The following BMP7 variants were observed in gnomAD, a reference collection of about 807,000 sequenced individuals.
BMP7 encodes the protein osteogenic protein 1.
BMP7 carries 12 observed loss-of-function variants against 41.2 expected under a neutral mutation model. The observed-to-expected ratio is 0.29, with a 90% CI of 0.19 to 0.47. BMP7 has a LOEUF of 0.47. Ranked by LOEUF, BMP7 falls within the 20% of genes least tolerant of loss-of-function variation. BMP7 has a pLI of 0.99. For missense variants in BMP7, 467 were observed against 606.0 expected (o/e 0.77, Z 2.41); for synonymous variants, 248 against 250.0 (o/e 0.99, Z 0.07).
Position 57,170,715 on chromosome 20 carries a change from G to A in BMP7, c.*244C>T. The A allele has an allele frequency of 2.0e-6, 1 of 493,584 alleles. No homozygotes were observed. Among genetic ancestry groups the A allele is most frequent in the Non-Finnish European group, 3.6e-6 (1 of 276,662 alleles). The allele number at this position is 493,584 out of a possible 1,614,324, so 30.6% of individuals were successfully genotyped here. ...GCCCGGCCATTTTTCTTTATGCGTT[G>A]TTTTTTTTTCCTGCTAGGTTTTGCC... On this transcript the variant is annotated 3_prime_UTR_variant, in exon 7 of 7. Coordinates refer to ENST00000395863, the MANE Select transcript of BMP7 (RefSeq NM_001719.3).
At chr20:57,196,942 C>A (rs980375144) in intron 3 of BMP7, among the ~76,000 whole-genome samples, 1 of 152,030 alleles carries the variant, frequency 6.6e-6, no homozygotes, top group Admixed American at 6.5e-5. Flanking sequence ...CACTCTGTTG[C>A]CCAGGCTGGA....
At chr20:57,188,428 G>T (rs1262097097) in intron 3 of BMP7, among the ~76,000 whole-genome samples, 1 of 152,084 alleles carries the variant, frequency 6.6e-6, no homozygotes, top group Non-Finnish European at 1.5e-5. Context: ...GTAGCTTACT[G>T]GTTGCCTAGA....
At position 57,219,235 on chromosome 20, in the gene BMP7, G is replaced by A. The variant is rs576382117; in HGVS notation, c.611+8994C>T. On this transcript the variant is annotated intron_variant, in intron 2 of 6. Transcript: ENST00000395863. The stretch of plus-strand genomic sequence containing the variant: ...CGGTGGTAGGTGGTGTTTGGTGGTA[G>A]CTGGTGTTTGCTGGTAGCTGGTGTT... Among the ~76,000 whole-genome samples the A allele has an allele frequency of 4.7e-4, 68 of 145,222 alleles. 1 individual carries two copies. Among genetic ancestry groups the A allele is most frequent in the Non-Finnish European group, 9.6e-4 (65 of 67,980 alleles).
At chr20:57,226,024 G>C in intron 2 of BMP7, 1 of 456,366 alleles carries the variant, frequency 2.2e-6, no homozygotes, top group Admixed American at 2.4e-5. Context: ...CCCAGCACTA[G>C]AATGGGCACC....
At chr20:57,203,417 G>GTGGATGGATGGATGGATGGT (rs1984666716) in intron 2 of BMP7, among the ~76,000 whole-genome samples, 1 of 152,012 alleles carries the variant, frequency 6.6e-6, no homozygotes, top group African/African-American at 2.4e-5. Flanking sequence ...GGGTGAATGA[G>GTGGATGGATGGATGGATGGT]TGGATGGATG....
intron 2 of BMP7, among the ~76,000 whole-genome samples, chr20:57,205,141 T>TTTTG (rs10627323): frequency 0.57 from 85,575 of 151,072 alleles, 25,060 homozygotes; most frequent in African/African-American, 0.7. Flanking sequence ...GGTATTTGTT[T>TTTTG]TTTGTTTGTT....
rs777292866 is a variant in BMP7 at position 57,202,602 on chromosome 20, G to A, written c.633C>T (p.Leu211=). 9.9e-6 allele frequency: 16 copies of A among 1,611,928 alleles called. No individual in the cohort carries two copies. The highest frequency in any genetic ancestry group is 5.0e-5 in the Admixed American group (3 of 59,976). Residue 211 remains leucine, a synonymous_variant, in exon 3 of 7, where the codon CTC becomes CTT. Transcript: ENST00000395863. ...CCGAGGCCCAGAGGGTACGGCTGTC[G>A]AGCAGGAAGAGATCCGATTCCCTGC... ...HLGRESDLFL[L]DSRTLWASEE... is the part of the protein sequence containing the mutation.
chr20:57,185,292 G>C (rs953843031), intron 3 of BMP7, among the ~76,000 whole-genome samples: 3 of 152,244 alleles, frequency 2.0e-5, no homozygotes, highest in African/African-American at 7.2e-5. Context: ...GAAAGACGAT[G>C]TACAGGGAGG....
chr20:57,174,997 G>A lies in BMP7; in HGVS notation c.969C>T (p.Ser323=). Residue 323 remains serine (S), a synonymous_variant, in exon 5 of 7, where the codon AGC becomes AGT. Coordinates refer to ENST00000395863, the MANE Select transcript of BMP7 (RefSeq NM_001719.3). The surrounding 1 kb of genome is among the most constrained non-coding windows in gnomAD (Gnocchi z 4.3). ...LRMANVAENS[S]SDQRQACKKH... ...TCTTACAGGCCTGCCTCTGGTCGCTGCTGCTGTTCTCTGCATTGACAAGGA... is the reference window on the plus strand; with the variant it reads ...TCTTACAGGCCTGCCTCTGGTCGCTACTGCTGTTCTCTGCATTGACAAGGA... 6.2e-7 allele frequency: 1 copy of A among 1,611,400 alleles called. No homozygotes were observed. The highest frequency in any genetic ancestry group is 1.6e-4 in the Middle Eastern group (1 of 6,062).
At chr20:57,194,104 C>T (rs1984438668) in intron 3 of BMP7, among the ~76,000 whole-genome samples, 1 of 151,808 alleles carries the variant, frequency 6.6e-6, no homozygotes, top group Admixed American at 6.5e-5. Context: ...TGTCTTCTCC[C>T]CAAAAAAGGC....
chr20:57,174,951 A>G lies in BMP7; in HGVS notation c.1015T>C (p.Phe339Leu). 1 of 1,612,262 alleles carries G rather than the reference A, an allele frequency of 6.2e-7. No individual in the cohort carries two copies. Among genetic ancestry groups the G allele is most frequent in the Non-Finnish European group, 8.5e-7 (1 of 1,179,870 alleles). Reference protein sequence around the residue: ...ACKKHELYVSFRDLGWQDWII... With the variant: ...ACKKHELYVSLRDLGWQDWII... Reference sequence around the variant, plus strand: ...CTTACCTGCCAGCCCAGGTCTCGGAAGCTGACATACAGCTCGTGCTTCTTA... The same window carrying G: ...CTTACCTGCCAGCCCAGGTCTCGGAGGCTGACATACAGCTCGTGCTTCTTA... Residue 339 changes from phenylalanine to leucine, a missense_variant, in exon 5 of 7, where the codon TTC (phenylalanine) becomes CTC (leucine). Phe to Leu is a conservative substitution (Grantham distance 22, BLOSUM62 0). Transcript: ENST00000395863. This position sits in a 1 kb window ranked among gnomAD's most constrained non-coding sequence, Gnocchi z 4.3.
intron 1 of BMP7, among the ~76,000 whole-genome samples, chr20:57,265,122 G>A (rs1327083500): frequency 1.3e-5 from 2 of 152,178 alleles, no homozygotes; most frequent in Non-Finnish European, 2.9e-5. Context: ...CAATGGCACC[G>A]TTTCTTCCCC....
At chr20:57,240,944 G>C (rs62205690) in intron 1 of BMP7, among the ~76,000 whole-genome samples, 39,244 of 152,146 alleles carry the variant, frequency 0.26, 5,602 homozygotes, top group Non-Finnish European at 0.32. Flanking sequence ...CCATCCTGAT[G>C]GCTGTGAGGT....
Position 57,266,042 on chromosome 20 carries a change from G to A in BMP7, c.81C>T (p.Ala27=), listed in dbSNP as rs1298086615. 6.5e-7 allele frequency: 1 copy of A among 1,544,790 alleles called. No homozygotes were observed. The highest frequency in any genetic ancestry group is 8.7e-7 in the Non-Finnish European group (1 of 1,146,852). The part of the protein sequence containing the change: ...LWAPLFLLRS[A]LADFSLDNEV... ...CGTTGTCCAGGCTGAAGTCGGCCAG[G>A]GCGGAGCGCAGCAGGAACAGGGGTG... is the stretch of plus-strand genomic sequence containing the variant. The change falls in exon 1 of 7, where the codon GCC becomes GCT. Residue 27 remains alanine, a synonymous_variant. Coordinates refer to ENST00000395863, the MANE Select transcript of BMP7 (RefSeq NM_001719.3).
At position 57,213,057 on chromosome 20, in the gene BMP7, G is replaced by C. The variant is rs1433552704; in HGVS notation, c.612-10434C>G. Among the ~76,000 whole-genome samples, 3 of 152,370 alleles carry C rather than the reference G, an allele frequency of 2.0e-5. 1 individual carries two copies. Among genetic ancestry groups the C allele is most frequent in the Admixed American group, 2.0e-4 (3 of 15,312 alleles). ...CTAAAATTAAAGCTTTGGGGAGTAA[G>C]GTGGAAAAATACACAAAGAGGCACA... is the stretch of plus-strand genomic sequence containing the variant. On this transcript the variant is annotated intron_variant, in intron 2 of 6. Transcript: ENST00000395863. The surrounding 1 kb of genome is among the most constrained non-coding windows in gnomAD (Gnocchi z 4.4).
rs922127250 is a variant in BMP7 at position 57,209,221 on chromosome 20, A to G, written c.612-6598T>C. Among the ~76,000 whole-genome samples the G allele has an allele frequency of 6.9e-5, 10 of 144,750 alleles. 1 individual carries two copies. Among genetic ancestry groups the G allele is most frequent in the Admixed American group, 6.4e-4 (9 of 14,024 alleles). 95.0% of individuals were successfully genotyped at this position (144,750 alleles called of 152,430 possible). A position where few individuals can be genotyped will look rare whatever the true frequency, so the allele number is the denominator to read the frequency against. ...GAAACTCTGTCTCAAAAATAAATGAATAAACAAATACCTAGATTTATATAT... is the reference window on the plus strand; with the variant it reads ...GAAACTCTGTCTCAAAAATAAATGAGTAAACAAATACCTAGATTTATATAT... On this transcript the variant is annotated intron_variant, in intron 2 of 6. Transcript: ENST00000395863.
chr20:57,225,854 C>T, intron 2 of BMP7: 1 of 471,414 alleles, frequency 2.1e-6, no homozygotes, highest in South Asian at 1.5e-5. Context: ...AATGCTCCCA[C>T]CTGCCATGTC....
At chr20:57,250,364 A>G (rs977241682) in intron 1 of BMP7, among the ~76,000 whole-genome samples, 1 of 147,458 alleles carries the variant, frequency 6.8e-6, no homozygotes, top group African/African-American at 2.5e-5. Flanking sequence ...ATATAGATAT[A>G]TATACACACA....
intron 3 of BMP7, among the ~76,000 whole-genome samples, chr20:57,200,972 A>G (rs8123425): frequency 0.016 from 2,435 of 152,280 alleles, 64 homozygotes; most frequent in African/African-American, 0.055. Context: ...TTTGGTGATC[A>G]TGATGACGAG....
Sources: allele counts gnomAD v4.1 joint callset (sites outside exome capture counted in the v4.1 genomes callset), GRCh38; gene constraint gnomAD v4.1.1; non-coding constraint Gnocchi (gnomAD v3.1); transcripts MANE v1.5; gene names NCBI Gene and HGNC (gene_info 2026-07-23, HGNC 2026-07-21).